Variants in LRP1B observed in about 807,000 individuals in gnomAD.
The protein encoded by LRP1B is LDL receptor related protein 1B.
LRP1B carries 217 observed loss-of-function variants against 556.6 expected under a neutral mutation model. The ratio of observed to expected loss-of-function variants is 0.39; its 90% CI spans 0.35 to 0.44. The LOEUF (loss-of-function observed/expected upper bound fraction) is 0.44. Ranked by LOEUF, LRP1B falls within the 20% of genes least tolerant of loss-of-function variation. LRP1B has a pLI of 1.00. For synonymous variants in LRP1B, 2,047 were observed against 1,865.8 expected (o/e 1.10, Z -2.50); for missense variants, 5,053 against 5,620.8 (o/e 0.90, Z 3.23).
rs142697543 is a variant in LRP1B at position 141,240,155 on chromosome 2, C to A, written c.592+7071G>T. Among the ~76,000 whole-genome samples, 61 of 152,106 alleles carry A rather than the reference C, an allele frequency of 4.0e-4. 1 individual carries two copies. In the East Asian group the frequency reaches 8.9e-3, roughly 22 times the overall value. On this transcript the variant is annotated intron_variant, in intron 5 of 90. Transcript: ENST00000389484. ...ATCAATGCAACAGGTTTTCTCTTCT[C>A]AAGACTAAAATGATTTTAGGCATCC...
intron 1 of LRP1B, among the ~76,000 whole-genome samples, chr2:141,987,392 CT>C (rs1702224626): frequency 6.6e-6 from 1 of 151,906 alleles, no homozygotes; most frequent in African/African-American, 2.4e-5. Context: ...TAGAGAGTAC[CT>C]TCTATAAGTG....
chr2:141,028,814 C>A (rs149746910), intron 11 of LRP1B, among the ~76,000 whole-genome samples: 5 of 152,068 alleles, frequency 3.3e-5, no homozygotes, highest in African/African-American at 1.2e-4. Context: ...TGTTCTAGGC[C>A]CTAAGGATCT....
chr2:141,565,455 A>C (rs1470786328), intron 2 of LRP1B, among the ~76,000 whole-genome samples: 1 of 152,256 alleles, frequency 6.6e-6, no homozygotes, highest in African/African-American at 2.4e-5. Context: ...AGAGCTGCAG[A>C]GAAAGAGTCT....
At chr2:141,584,563 AT>A (rs1574106275) in intron 2 of LRP1B, among the ~76,000 whole-genome samples, 1 of 152,198 alleles carries the variant, frequency 6.6e-6, no homozygotes, top group East Asian at 1.9e-4. Context: ...ATATGTATAT[AT>A]TTTTATTAAT....
intron 41 of LRP1B, among the ~76,000 whole-genome samples, chr2:140,637,012 C>A (rs17201673): frequency 0.029 from 4,448 of 152,092 alleles, 101 homozygotes; most frequent in South Asian, 0.05. Flanking sequence ...GAATCTGTCC[C>A]GGTGAGAGTT....
At chr2:140,431,162 C>G (rs7568292) in intron 66 of LRP1B, among the ~76,000 whole-genome samples, 20,650 of 152,052 alleles carry the variant, frequency 0.14, 1,590 homozygotes, top group African/African-American at 0.19. Flanking sequence ...TTCAGTGAAA[C>G]CTTTATATCC....
chr2:141,864,908 C>G (rs10928127), intron 1 of LRP1B, among the ~76,000 whole-genome samples: 48,674 of 151,330 alleles, frequency 0.32, 8,961 homozygotes, highest in Middle Eastern at 0.46. Flanking sequence ...AACAAACAAA[C>G]AAACAGAATG....
intron 3 of LRP1B, among the ~76,000 whole-genome samples, chr2:141,450,575 TAA>T (rs963112187): frequency 8.0e-5 from 12 of 150,040 alleles, no homozygotes; most frequent in Admixed American, 2.0e-4. Context: ...TGCCATATTT[TAA>T]AAAAAAATAT....
At chr2:141,044,427 A>C (rs1443110765) in intron 11 of LRP1B, among the ~76,000 whole-genome samples, 6 of 151,608 alleles carry the variant, frequency 4.0e-5, no homozygotes, top group Non-Finnish European at 8.9e-5. Context: ...AAAGGGATCT[A>C]ATTAAACTAA....
intron 25 of LRP1B, among the ~76,000 whole-genome samples, chr2:140,876,822 G>A (rs180926848): frequency 9.2e-5 from 14 of 152,040 alleles, no homozygotes; most frequent in African/African-American, 3.4e-4. Flanking sequence ...TTTTCTTGCT[G>A]CACTGTATAC....
intron 78 of LRP1B, 96 bp downstream of exon 78, chr2:140,335,519 C>T: frequency 1.5e-5 from 11 of 756,926 alleles, no homozygotes; most frequent in South Asian, 1.2e-4. Context: ...CACTATTACA[C>T]ATTGAACACT....
At chr2:141,016,122 A>G (rs1367407760) in intron 12 of LRP1B, among the ~76,000 whole-genome samples, 1 of 152,050 alleles carries the variant, frequency 6.6e-6, no homozygotes, top group South Asian at 2.1e-4. Context: ...ATTTACACTT[A>G]TTACAGAAAA....
chr2:141,036,476 A>G (rs998731319), intron 11 of LRP1B, among the ~76,000 whole-genome samples: 2 of 152,090 alleles, frequency 1.3e-5, no homozygotes, highest in African/African-American at 4.8e-5. Flanking sequence ...GGGAAGAGAA[A>G]GAAGACCTTC....
At chr2:140,922,206 G>GT (rs1694755228) in intron 21 of LRP1B, among the ~76,000 whole-genome samples, 1 of 151,938 alleles carries the variant, frequency 6.6e-6, no homozygotes, top group African/African-American at 2.4e-5. Context: ...CTGGTACCCA[G>GT]TATATGTAAT....
intron 1 of LRP1B, among the ~76,000 whole-genome samples, chr2:141,993,607 ATTTTC>A (rs1702404540): frequency 6.6e-6 from 1 of 151,868 alleles, no homozygotes; most frequent in African/African-American, 2.4e-5. Context: ...TTATTATCCT[ATTTTC>A]TTTATTTCCT....
intron 7 of LRP1B, among the ~76,000 whole-genome samples, chr2:141,175,430 G>A (rs1032094545): frequency 1.3e-5 from 2 of 152,142 alleles, no homozygotes; most frequent in Admixed American, 6.5e-5. Flanking sequence ...AGCTGCTCCA[G>A]CTCCAGCTGT....
intron 1 of LRP1B, among the ~76,000 whole-genome samples, chr2:142,026,958 T>C (rs1293196533): frequency 6.6e-6 from 1 of 152,042 alleles, no homozygotes; most frequent in Admixed American, 6.6e-5. Flanking sequence ...TCAGCCAAAA[T>C]TTCTCAAGTT....
intron 2 of LRP1B, among the ~76,000 whole-genome samples, chr2:141,564,529 G>A (rs1485094204): frequency 6.6e-6 from 1 of 152,078 alleles, no homozygotes; most frequent in African/African-American, 2.4e-5. Flanking sequence ...TTGAATCAAG[G>A]TGATGTGACT....
chr2:141,962,467 T>C (rs1003359524), intron 1 of LRP1B, among the ~76,000 whole-genome samples: 1 of 151,822 alleles, frequency 6.6e-6, no homozygotes, highest in Non-Finnish European at 1.5e-5. Flanking sequence ...GATATCCATA[T>C]AGACCTGTTC....
Sources: gnomAD v4.1 joint callset for allele counts (sites outside exome capture counted in the v4.1 genomes callset) on GRCh38, gnomAD v4.1.1 for gene constraint, MANE v1.5 for transcripts, NCBI Gene and HGNC (gene_info 2026-07-23, HGNC 2026-07-21) for gene names.